The following PSD3 variants were observed in gnomAD, a reference collection of about 807,000 sequenced individuals.
The protein encoded by PSD3 is pleckstrin and Sec7 domain containing 3, also known as PH and SEC7 domain-containing protein 3.
Under a neutral mutation model 105.5 loss-of-function variants are expected in PSD3, and 49 were observed. That is an observed-to-expected ratio of 0.46 (90% CI 0.37 to 0.59). The LOEUF (loss-of-function observed/expected upper bound fraction) is 0.59, where lower values mean the gene tolerates loss of function less well. Ranked by LOEUF, PSD3 falls within the 20% of genes least tolerant of loss-of-function variation. PSD3 has a pLI of 0.00. For synonymous variants in PSD3, 557 were observed against 457.8 expected (o/e 1.22, Z -2.77); for missense variants, 1,561 against 1,263.8 (o/e 1.24, Z -3.57).
intron 4 of PSD3, among the ~76,000 whole-genome samples, chr8:18,841,660 G>A (rs1279635974): frequency 1.3e-5 from 2 of 152,098 alleles, no homozygotes; most frequent in South Asian, 2.1e-4. Context: ...ATGCCTAGGC[G>A]ACTCAAGTAT....
At chr8:19,002,754 C>T (rs189965733) in intron 1 of PSD3, among the ~76,000 whole-genome samples, 47 of 152,132 alleles carry the variant, frequency 3.1e-4, no homozygotes, top group Admixed American at 7.9e-4. Flanking sequence ...CATGTTCAGA[C>T]ACAACATTCT....
intron 9 of PSD3, among the ~76,000 whole-genome samples, chr8:18,694,381 C>T (rs1368552084): frequency 6.6e-6 from 1 of 152,232 alleles, no homozygotes; most frequent in East Asian, 1.9e-4. Context: ...AAGGCTGAGG[C>T]AGGTGGATCA....
intron 4 of PSD3, 46 bp from the exon 5 acceptor site, chr8:18,804,944 G>C: frequency 7.0e-7 from 1 of 1,427,090 alleles, no homozygotes; most frequent in Non-Finnish European, 9.6e-7. Context: ...TTTCTTATAT[G>C]GCAAAAAGGA....
At chr8:18,886,145 G>T (rs1241161406) in intron 2 of PSD3, among the ~76,000 whole-genome samples, 1 of 152,048 alleles carries the variant, frequency 6.6e-6, no homozygotes, top group Non-Finnish European at 1.5e-5. Context: ...CACAAACAGG[G>T]AGCAGACATA....
intron 4 of PSD3, among the ~76,000 whole-genome samples, chr8:18,816,560 T>A (rs1812239428): frequency 6.6e-6 from 1 of 152,268 alleles, no homozygotes; most frequent in Non-Finnish European, 1.5e-5. Flanking sequence ...GTTGCATAAT[T>A]AAGTATACAC....
chr8:18,838,577 G>A (rs1814331066), intron 4 of PSD3, among the ~76,000 whole-genome samples: 1 of 151,870 alleles, frequency 6.6e-6, no homozygotes, highest in Admixed American at 6.6e-5. Flanking sequence ...CGAGGCGGGC[G>A]GATCATGAGG....
rs1045141143 is a variant in PSD3, at chr8:18,730,776, T to C, written c.2172+34673A>G. On this transcript the variant is annotated intron_variant, in intron 9 of 15. Coordinates refer to ENST00000327040, the MANE Select transcript of PSD3 (RefSeq NM_015310.4). ...GAAGCCTTGTCTTAGAGTTTAAGATTCTGTGGGCACTGTTTTTCAGAAATT... is the reference window on the plus strand; with the variant it reads ...GAAGCCTTGTCTTAGAGTTTAAGATCCTGTGGGCACTGTTTTTCAGAAATT... Among the ~76,000 whole-genome samples the C allele has an allele frequency of 2.6e-5, 4 of 152,180 alleles. No homozygotes were observed. The East Asian group carries it at 5.8e-4, about 22-fold the overall frequency.
At chr8:18,818,354 C>CT (rs1038810487) in intron 4 of PSD3, among the ~76,000 whole-genome samples, 2 of 136,360 alleles carry the variant, frequency 1.5e-5, no homozygotes, top group Admixed American at 7.3e-5. Flanking sequence ...TAGGGAGCTA[C>CT]TTTTTTTTTT....
At chr8:18,587,102 G>A (rs944020749) in intron 12 of PSD3, among the ~76,000 whole-genome samples, 8 of 152,192 alleles carry the variant, frequency 5.3e-5, no homozygotes, top group Non-Finnish European at 8.8e-5. Flanking sequence ...AAGGGAAGAA[G>A]AAGGAGAGAC....
chr8:19,024,321 G>A (rs968593877), intron 1 of PSD3, among the ~76,000 whole-genome samples: 2 of 152,106 alleles, frequency 1.3e-5, no homozygotes, highest in Non-Finnish European at 2.9e-5. Flanking sequence ...AAGTACCCTG[G>A]AATGTCTCCA....
At chr8:18,642,616 G>A (rs960709138) in intron 10 of PSD3, among the ~76,000 whole-genome samples, 3 of 152,072 alleles carry the variant, frequency 2.0e-5, no homozygotes, top group African/African-American at 7.2e-5. Flanking sequence ...AGGACAAGTA[G>A]GCTACTAACA....
intron 4 of PSD3, among the ~76,000 whole-genome samples, chr8:18,830,080 G>C (rs1476770778): frequency 2.6e-5 from 4 of 152,052 alleles, no homozygotes; most frequent in Non-Finnish European, 1.5e-5. Flanking sequence ...CAATTCTCCT[G>C]TGTCAGCCTC....
At chr8:19,071,611 A>C (rs1384952716) in intron 1 of PSD3, among the ~76,000 whole-genome samples, 1 of 152,246 alleles carries the variant, frequency 6.6e-6, no homozygotes, top group Non-Finnish European at 1.5e-5. Flanking sequence ...GGAGCTGCCC[A>C]GAGGCAGCAC....
intron 10 of PSD3, 96 bp downstream of exon 10, chr8:18,655,546 T>C: frequency 8.6e-7 from 1 of 1,160,156 alleles, no homozygotes; most frequent in East Asian, 2.3e-5. Flanking sequence ...TGGCAATGCA[T>C]ATTTAATCCT....
chr8:18,906,284 C>T (rs1819843805), intron 2 of PSD3, among the ~76,000 whole-genome samples: 1 of 152,170 alleles, frequency 6.6e-6, no homozygotes, highest in African/African-American at 2.4e-5. Flanking sequence ...CTCATATTAG[C>T]TACTCACAGC....
chr8:18,705,054 C>T (rs573946744), intron 9 of PSD3, among the ~76,000 whole-genome samples: 34 of 151,710 alleles, frequency 2.2e-4, no homozygotes, highest in East Asian at 1.9e-4. Context: ...TCAAACTGGC[C>T]CAGAAATAGT....
chr8:18,762,564 T>C (rs573613341), intron 9 of PSD3, among the ~76,000 whole-genome samples: 3 of 152,362 alleles, frequency 2.0e-5, no homozygotes, highest in East Asian at 3.9e-4. Context: ...TCTTCTGATA[T>C]CCAACTTATT....
intron 1 of PSD3, among the ~76,000 whole-genome samples, chr8:19,001,399 C>T (rs552156007): frequency 6.6e-6 from 1 of 151,910 alleles, no homozygotes; most frequent in Non-Finnish European, 1.5e-5. Context: ...GCCCCCAACA[C>T]ATGCACAGTT....
At chr8:18,687,405 G>A (rs753153454) in intron 9 of PSD3, among the ~76,000 whole-genome samples, 2 of 152,070 alleles carry the variant, frequency 1.3e-5, no homozygotes, top group Non-Finnish European at 2.9e-5. Flanking sequence ...GGTTGAGGTT[G>A]CAGTGAGCTG....
Sources: gnomAD v4.1 joint callset for allele counts (sites outside exome capture counted in the v4.1 genomes callset) on GRCh38, gnomAD v4.1.1 for gene constraint, MANE v1.5 for transcripts, NCBI Gene and HGNC (gene_info 2026-07-23, HGNC 2026-07-21) for gene names.